Variants in OLR1 observed in about 807,000 individuals in gnomAD.
OLR1 encodes oxidized low-density lipoprotein receptor 1.
A neutral mutation model predicts 31.7 loss-of-function variants in OLR1; 23 were observed. The observed-to-expected ratio is 0.72, with a 90% CI of 0.52 to 1.03. The LOEUF is 1.03. Among genes scored for constraint, OLR1 ranks in the 50% least tolerant of loss-of-function variants. The pLI, the probability that OLR1 is intolerant of heterozygous loss-of-function variation, is 0.00. For missense variants in OLR1, 286 were observed against 315.7 expected (o/e 0.91, Z 0.71); for synonymous variants, 117 against 115.8 (o/e 1.01, Z -0.07).
intron 1 of OLR1, among the ~76,000 whole-genome samples, chr12:10,169,686 T>A (rs1171579823): frequency 6.6e-6 from 1 of 152,168 alleles, no homozygotes; most frequent in African/African-American, 2.4e-5. Flanking sequence ...TCAAATAACT[T>A]TATGAATAAT....
chr12:10,162,901 A>G (rs1326047437), intron 3 of OLR1, among the ~76,000 whole-genome samples: 1 of 152,224 alleles, frequency 6.6e-6, no homozygotes, highest in Non-Finnish European at 1.5e-5. Flanking sequence ...CCCAGTTATG[A>G]CAAAGTAAGA....
Position 10,160,405 on chromosome 12 carries a change from G to C in OLR1, c.622C>G (p.Arg208Gly), listed in dbSNP as rs775516504. 2.5e-6 allele frequency: 4 copies of C among 1,613,922 alleles called. No individual in the cohort carries two copies. Among genetic ancestry groups the C allele is most frequent in the Non-Finnish European group, 3.4e-6 (4 of 1,179,946 alleles). Residue 208 changes from arginine (R) to glycine (G), a missense_variant, in exon 5 of 6, where the codon CGG becomes GGG. Transcript: ENST00000309539. ...SSFPFWMGLS[R>G]RNPSYPWLWE... Reference sequence around the variant, plus strand: ...AGCCATGGGTAGCTGGGGTTCCTCCGAGACAGCCCCATCCAGAATGGAAAA... The same window carrying C: ...AGCCATGGGTAGCTGGGGTTCCTCCCAGACAGCCCCATCCAGAATGGAAAA...
At chr12:10,175,113 A>G (rs994468972), upstream of OLR1, among the ~76,000 whole-genome samples, 1 of 152,186 alleles carries the variant, frequency 6.6e-6, no homozygotes. Flanking sequence ...CCTGGTGTTC[A>G]TGATCTTGTG....
Position 10,167,351 on chromosome 12 carries a change from C to T in OLR1, c.179-394G>A, listed in dbSNP as rs577428575. The T allele has an allele frequency of 1.2e-3, 210 of 172,548 alleles. 3 individuals carry two copies. In the South Asian group the frequency reaches 0.024, roughly 19 times the overall value. 10.7% of individuals were successfully genotyped at this position (172,548 alleles called of 1,614,324 possible). Reference sequence around the variant, plus strand: ...GAAATTAGCTGAGGGTGGTGGCACGCGCCTGTAGTCCCAACTACTCAGGAG... The same window carrying T: ...GAAATTAGCTGAGGGTGGTGGCACGTGCCTGTAGTCCCAACTACTCAGGAG... On this transcript the variant is annotated intron_variant, in intron 2 of 5. Transcript: ENST00000309539.
At chr12:10,160,522 G>A in intron 4 of OLR1, 60 bp from the exon 5 acceptor site, 1 of 1,341,208 alleles carries the variant, frequency 7.5e-7, no homozygotes. Flanking sequence ...GAATCTGAAA[G>A]TCAGTTAGTG....
upstream of OLR1, chr12:10,172,234 T>C (rs532865806): frequency 1.2e-5 from 7 of 586,228 alleles, no homozygotes; most frequent in Middle Eastern, 4.4e-4. Context: ...TTGCTTCATA[T>C]TGGGAAGTTC....
intron 3 of OLR1, among the ~76,000 whole-genome samples, chr12:10,164,892 C>A: frequency 6.6e-6 from 1 of 152,152 alleles, no homozygotes; most frequent in East Asian, 1.9e-4. Context: ...AAATAGACTT[C>A]TTGGACTCCT....
At chr12:10,166,596 G>T in intron 3 of OLR1, 116 bp downstream of exon 3, 3 of 926,386 alleles carry the variant, frequency 3.2e-6, no homozygotes, top group Non-Finnish European at 5.1e-6. Context: ...CATTATGAAT[G>T]AATAATGATA....
At chr12:10,162,648 C>T (rs1312033914) in intron 3 of OLR1, among the ~76,000 whole-genome samples, 10 of 151,992 alleles carry the variant, frequency 6.6e-5, no homozygotes, top group Admixed American at 1.3e-4. Context: ...TGCAACATGG[C>T]GAAACCCCAT....
At chr12:10,172,642 T>G (rs1192995558), upstream of OLR1, among the ~76,000 whole-genome samples, 1 of 152,188 alleles carries the variant, frequency 6.6e-6, no homozygotes, top group Non-Finnish European at 1.5e-5. Flanking sequence ...TCCTGGGTGA[T>G]TTTAGAATTT....
rs1006799142 is a variant in OLR1, at chr12:10,158,570, T to G, written c.*1310A>C. ...CTACAAAATGCAAAATGAAAGCCGA[T>G]TGGTGGTTTTCTGGGGAGGAGTCAT... On this transcript the variant is annotated 3_prime_UTR_variant, in exon 6 of 6. Coordinates refer to ENST00000309539, the MANE Select transcript of OLR1 (RefSeq NM_002543.4). 6.6e-6 allele frequency: 1 copy of G among 151,904 alleles called. No individual in the cohort carries two copies. The highest frequency in any genetic ancestry group is 1.5e-5 in the Non-Finnish European group (1 of 67,996). The allele number at this position is 151,904 out of a possible 1,614,324, so 9.4% of individuals were successfully genotyped here.
chr12:10,165,933 G>A (rs976565717), intron 3 of OLR1, among the ~76,000 whole-genome samples: 1 of 152,044 alleles, frequency 6.6e-6, no homozygotes, highest in African/African-American at 2.4e-5. Context: ...ACTTCTTGCC[G>A]GGTGCGGTGG....
intron 3 of OLR1, among the ~76,000 whole-genome samples, chr12:10,166,294 A>G (rs1229567939): frequency 1.3e-5 from 2 of 152,102 alleles, no homozygotes; most frequent in African/African-American, 4.8e-5. Context: ...TTGGGAGGCC[A>G]AGATGGGTGG....
chr12:10,171,777 T>A (rs1171389733), intron 1 of OLR1, among the ~76,000 whole-genome samples: 1 of 152,224 alleles, frequency 6.6e-6, no homozygotes, highest in Non-Finnish European at 1.5e-5. Context: ...TGAAAGTGAA[T>A]AACATATAGA....
intron 1 of OLR1, 40 bp from the exon 2 acceptor site, chr12:10,169,215 G>C (rs768488872): frequency 4.1e-6 from 6 of 1,462,538 alleles, no homozygotes; most frequent in Admixed American, 1.9e-5. Flanking sequence ...ACAAAAAAGA[G>C]TGAACAAGTA....
upstream of OLR1, among the ~76,000 whole-genome samples, chr12:10,174,147 G>A (rs80245299): frequency 6.6e-6 from 1 of 152,054 alleles, no homozygotes; most frequent in African/African-American, 2.4e-5. Flanking sequence ...TGCAACCTCC[G>A]CCTCCTGGGT....
intron 4 of OLR1, 123 bp from the exon 5 acceptor site, chr12:10,160,585 G>T: frequency 1.0e-6 from 1 of 982,258 alleles, no homozygotes; most frequent in Non-Finnish European, 1.6e-6. Context: ...CCCCTTGACT[G>T]TTTTACGGAA....
At chr12:10,161,683 C>T (rs2137504311) in intron 3 of OLR1, among the ~76,000 whole-genome samples, 1 of 152,210 alleles carries the variant, frequency 6.6e-6, no homozygotes, top group South Asian at 2.1e-4. Context: ...GCTGGAGTTA[C>T]AGGCATGACC....
At chr12:10,169,960 G>C (rs1948697011) in intron 1 of OLR1, among the ~76,000 whole-genome samples, 1 of 151,670 alleles carries the variant, frequency 6.6e-6, no homozygotes, top group Non-Finnish European at 1.5e-5. Flanking sequence ...TGGTTGTGTA[G>C]GAAAACATCC....
Sources: gnomAD v4.1 joint callset for allele counts (sites outside exome capture counted in the v4.1 genomes callset) on GRCh38, gnomAD v4.1.1 for gene constraint, MANE v1.5 for transcripts, NCBI Gene and HGNC (gene_info 2026-07-23, HGNC 2026-07-21) for gene names.